ZNF385D: variants seen among roughly 807,000 people sequenced by gnomAD.
ZNF385D encodes the protein zinc finger protein 385D.
A neutral mutation model predicts 35.8 loss-of-function variants in ZNF385D; 15 were observed. The ratio of observed to expected loss-of-function variants is 0.42; its 90% confidence interval spans 0.28 to 0.64. ZNF385D has a LOEUF of 0.64. Among genes scored for constraint, ZNF385D ranks in the 30% least tolerant of loss-of-function variants. ZNF385D has a pLI of 0.23. For missense variants in ZNF385D, 474 were observed against 494.6 expected (o/e 0.96, Z 0.39); for synonymous variants, 212 against 186.8 (o/e 1.13, Z -1.10).
rs1321193124 is a variant in ZNF385D at position 21,415,204 on chromosome 3, G to A, written c.*6010C>T. The stretch of plus-strand genomic sequence containing the variant: ...GTTGTACTGGCAAAAATACAATCTG[G>A]GTTTCCAATGAAGGCTCTCTCTGCT... On this transcript the variant is annotated 3_prime_UTR_variant, in exon 8 of 8. Coordinates refer to ENST00000281523, the MANE Select transcript of ZNF385D (RefSeq NM_024697.3). 2 of 151,994 alleles carry A rather than the reference G, an allele frequency of 1.3e-5. No individual in the cohort carries two copies. The highest frequency in any genetic ancestry group is 2.9e-5 in the Non-Finnish European group (2 of 67,986). The allele number at this position is 151,994 out of a possible 1,614,324, so 9.4% of individuals were successfully genotyped here.
At chr3:21,807,037 T>C (rs542371936) in intron 3 of ZNF385D, among the ~76,000 whole-genome samples, 32 of 152,268 alleles carry the variant, frequency 2.1e-4, no homozygotes, top group African/African-American at 7.5e-4. Context: ...TTCACACTAT[T>C]ATGGGAAACC....
At chr3:22,219,990 C>A (rs974087825) in intron 2 of ZNF385D, among the ~76,000 whole-genome samples, 4 of 151,606 alleles carry the variant, frequency 2.6e-5, no homozygotes, top group Non-Finnish European at 5.9e-5. Context: ...TCTTCTCTAC[C>A]ATAATTTTCT....
intron 3 of ZNF385D, among the ~76,000 whole-genome samples, chr3:21,910,024 C>T (rs1699884972): frequency 6.6e-6 from 1 of 151,790 alleles, no homozygotes; most frequent in African/African-American, 2.4e-5. Flanking sequence ...CACTATTTAG[C>T]TTACTGCTAC....
intron 3 of ZNF385D, among the ~76,000 whole-genome samples, chr3:22,083,466 T>C (rs1700865447): frequency 6.6e-6 from 1 of 152,056 alleles, no homozygotes; most frequent in African/African-American, 2.4e-5. Flanking sequence ...TTCGATCAAC[T>C]GGAAGAAAGG....
At chr3:21,982,393 T>C (rs1694520418) in intron 3 of ZNF385D, among the ~76,000 whole-genome samples, 1 of 152,160 alleles carries the variant, frequency 6.6e-6, no homozygotes, top group African/African-American at 2.4e-5. Context: ...TGGCTGTTGT[T>C]GGTGTCTAGG....
intron 2 of ZNF385D, among the ~76,000 whole-genome samples, chr3:22,224,629 C>T (rs995606331): frequency 3.3e-5 from 5 of 152,152 alleles, no homozygotes; most frequent in African/African-American, 1.2e-4. Flanking sequence ...CAAGGAAACA[C>T]TATAGGAAAG....
chr3:22,123,962 C>CTCTCTCTCTATATATA (rs1491571691), intron 3 of ZNF385D, among the ~76,000 whole-genome samples: 1 of 61,846 alleles, frequency 1.6e-5, no homozygotes, highest in African/African-American at 6.1e-5. Flanking sequence ...CTCTCTCTCT[C>CTCTCTCTCTATATATA]TATATATATA....
intron 3 of ZNF385D, among the ~76,000 whole-genome samples, chr3:21,848,108 C>G (rs1696131464): frequency 6.6e-6 from 1 of 151,908 alleles, no homozygotes; most frequent in South Asian, 2.1e-4. Context: ...TTCACTTAGC[C>G]CAATTGACTT....
At chr3:21,955,946 G>A (rs1181983624) in intron 3 of ZNF385D, among the ~76,000 whole-genome samples, 1 of 152,062 alleles carries the variant, frequency 6.6e-6, no homozygotes, top group Non-Finnish European at 1.5e-5. Flanking sequence ...AGCAATTTGG[G>A]AGGCCCAGGC....
intron 3 of ZNF385D, among the ~76,000 whole-genome samples, chr3:21,884,815 T>C (rs769295928): frequency 6.6e-5 from 10 of 152,032 alleles, no homozygotes; most frequent in Non-Finnish European, 8.8e-5. Context: ...ACGGTGGAAA[T>C]TGGCAAACAT....
At chr3:22,276,681 G>A (rs775814847) in intron 2 of ZNF385D, among the ~76,000 whole-genome samples, 20 of 152,144 alleles carry the variant, frequency 1.3e-4, no homozygotes, top group East Asian at 3.9e-4. Flanking sequence ...TTTCACCATC[G>A]GTGATACAAG....
chr3:22,048,253 C>T (rs150807563), intron 3 of ZNF385D, among the ~76,000 whole-genome samples: 95 of 151,796 alleles, frequency 6.3e-4, no homozygotes, highest in African/African-American at 2.2e-3. Context: ...TGCTGTAATC[C>T]CATTTGCTTT....
chr3:21,950,624 G>A (rs1171558119), intron 3 of ZNF385D, among the ~76,000 whole-genome samples: 1 of 151,660 alleles, frequency 6.6e-6, no homozygotes, highest in Non-Finnish European at 1.5e-5. Flanking sequence ...CTTTGCCCAT[G>A]CCCATGTCCT....
At chr3:21,605,940 T>G (rs933191391) in intron 2 of ZNF385D, among the ~76,000 whole-genome samples, 3 of 152,060 alleles carry the variant, frequency 2.0e-5, no homozygotes, top group African/African-American at 7.3e-5. Flanking sequence ...GAAAACCACG[T>G]AATGCACATC....
chr3:21,541,111 T>C (rs1322704976), intron 3 of ZNF385D, among the ~76,000 whole-genome samples: 2 of 152,176 alleles, frequency 1.3e-5, no homozygotes, highest in African/African-American at 4.8e-5. Context: ...AAGAATACAT[T>C]CATCTTTTCA....
intron 3 of ZNF385D, among the ~76,000 whole-genome samples, chr3:21,852,733 T>C (rs888615476): frequency 2.6e-5 from 4 of 151,862 alleles, no homozygotes; most frequent in African/African-American, 9.7e-5. Flanking sequence ...AAGTTATGAA[T>C]TGATGAGTTA....
At chr3:21,810,998 G>GTATATATATATATA (rs57333898) in intron 3 of ZNF385D, among the ~76,000 whole-genome samples, 1 of 144,454 alleles carries the variant, frequency 6.9e-6, no homozygotes, top group African/African-American at 2.5e-5. Flanking sequence ...GTGTGTGTGT[G>GTATATATATATATA]TATATATATA....
chr3:22,261,718 G>A (rs546024277), intron 2 of ZNF385D, among the ~76,000 whole-genome samples: 6 of 152,002 alleles, frequency 3.9e-5, no homozygotes, highest in East Asian at 2.0e-4. Context: ...CTGCCCTGCC[G>A]TTTTGCCTCC....
chr3:21,490,306 C>G (rs890750786), intron 4 of ZNF385D, among the ~76,000 whole-genome samples: 2 of 152,140 alleles, frequency 1.3e-5, no homozygotes, highest in African/African-American at 4.8e-5. Flanking sequence ...GTTGGGGCAA[C>G]AGGTGTGTGT....
Sources: allele counts gnomAD v4.1 joint callset (sites outside exome capture counted in the v4.1 genomes callset), GRCh38; gene constraint gnomAD v4.1.1; transcripts MANE v1.5; gene names NCBI Gene and HGNC (gene_info 2026-07-23, HGNC 2026-07-21).